The following SLC2A13 variants were observed in gnomAD, a reference collection of about 807,000 sequenced individuals.
SLC2A13 encodes solute carrier family 2 member 13.
In SLC2A13, 32 loss-of-function variants were observed where a neutral mutation model predicts 64.4. That is an observed-to-expected ratio of 0.50 (90% confidence interval 0.37 to 0.67). The LOEUF (loss-of-function observed/expected upper bound fraction) is 0.67. SLC2A13 is among the 30% of genes least tolerant of loss of function. The pLI is 0.00. For missense variants in SLC2A13, 743 were observed against 829.2 expected, an observed-to-expected ratio of 0.90 and a Z score of 1.28; for synonymous variants, 338 against 327.1, an observed-to-expected ratio of 1.03 and a Z score of -0.36.
At chr12:40,017,973 AT>A (rs1301263053) in intron 3 of SLC2A13, among the ~76,000 whole-genome samples, 1 of 88,096 alleles carries the variant, frequency 1.1e-5, no homozygotes, top group African/African-American at 4.7e-5. Flanking sequence ...CAATGCACAT[AT>A]TTAAAAAAAA....
intron 4 of SLC2A13, among the ~76,000 whole-genome samples, chr12:39,943,552 T>A (rs1435145238): frequency 2.0e-5 from 3 of 152,190 alleles, no homozygotes; most frequent in African/African-American, 7.2e-5. Context: ...TTGTTTACAC[T>A]GTGAGGGAAA....
intron 3 of SLC2A13, among the ~76,000 whole-genome samples, chr12:40,004,459 C>T (rs935536557): frequency 1.3e-5 from 2 of 152,168 alleles, no homozygotes; most frequent in Admixed American, 6.5e-5. Context: ...GCTGGTGTTA[C>T]AGGCATGAGC....
chr12:39,888,195 A>C (rs1171267062), intron 4 of SLC2A13, among the ~76,000 whole-genome samples: 1 of 152,102 alleles, frequency 6.6e-6, no homozygotes, highest in South Asian at 2.1e-4. Context: ...ATGCTTATGG[A>C]TATAACCATT....
intron 6 of SLC2A13, among the ~76,000 whole-genome samples, chr12:39,843,936 TC>T (rs1054834746): frequency 5.9e-5 from 9 of 151,886 alleles, no homozygotes; most frequent in African/African-American, 1.9e-4. Context: ...TATGCTTTTT[TC>T]CCCCCAAAGC....
chr12:40,013,384 T>A (rs1032715280), intron 3 of SLC2A13, among the ~76,000 whole-genome samples: 1 of 152,218 alleles, frequency 6.6e-6, no homozygotes, highest in Non-Finnish European at 1.5e-5. Flanking sequence ...CAGCCTTACA[T>A]ATTAAATCAT....
chr12:39,851,548 C>T (rs573225607), intron 6 of SLC2A13, among the ~76,000 whole-genome samples: 1 of 152,084 alleles, frequency 6.6e-6, no homozygotes, highest in Non-Finnish European at 1.5e-5. Context: ...AATGTTTGGT[C>T]TAGGCTAAAA....
At chr12:39,900,133 T>G (rs1945045327) in intron 4 of SLC2A13, among the ~76,000 whole-genome samples, 1 of 143,686 alleles carries the variant, frequency 7.0e-6, no homozygotes. Flanking sequence ...TTTGACCAAA[T>G]TCAACAACCC....
intron 1 of SLC2A13, among the ~76,000 whole-genome samples, chr12:40,070,205 G>C (rs1401028646): frequency 6.6e-6 from 1 of 150,664 alleles, no homozygotes; most frequent in Non-Finnish European, 1.5e-5. Context: ...GGCAGAGACA[G>C]GGTAAAGAGT....
chr12:39,812,819 T>C (rs909501496), intron 7 of SLC2A13, among the ~76,000 whole-genome samples: 3 of 148,782 alleles, frequency 2.0e-5, no homozygotes. Context: ...GACAAACATT[T>C]AGTTTGTAGT....
intron 6 of SLC2A13, among the ~76,000 whole-genome samples, chr12:39,856,761 G>A (rs1345261409): frequency 3.3e-5 from 5 of 152,184 alleles, no homozygotes; most frequent in African/African-American, 7.2e-5. Flanking sequence ...GTTATGTAAC[G>A]TGCTTTTACA....
At position 40,105,660 on chromosome 12, in the gene SLC2A13, C is replaced by T. The variant is rs557242708; in HGVS notation, c.149G>A (p.Ser50Asn). The T allele has an allele frequency of 2.7e-6, 4 of 1,493,884 alleles. No individual in the cohort carries two copies. Among genetic ancestry groups the T allele is most frequent in the South Asian group, 1.3e-5 (1 of 77,522 alleles). 92.5% of individuals were successfully genotyped at this position (1,493,884 alleles called of 1,614,324 possible). A position where few individuals can be genotyped will look rare whatever the true frequency, so the allele number is the denominator to read the frequency against. Reference sequence around the variant, plus strand: ...GCCGCCCGCGCCCGCGCTCTGCAGGCTGGTGCTCGATTCGGCGGCAGCCAG... The same window carrying T: ...GCCGCCCGCGCCCGCGCTCTGCAGGTTGGTGCTCGATTCGGCGGCAGCCAG... ...SLLAAAESST[S>N]LQSAGAGGGG... The change falls in exon 1 of 10, where the codon AGC becomes AAC. Residue 50 changes from serine (S) to asparagine (N), a missense_variant. Ser to Asn is a conservative substitution (Grantham distance 46). Transcript: ENST00000280871. The surrounding 1 kb of genome is among the most constrained non-coding windows in gnomAD (Gnocchi z 4.2).
chr12:40,072,033 T>A (rs986180615), intron 1 of SLC2A13, among the ~76,000 whole-genome samples: 1 of 152,080 alleles, frequency 6.6e-6, no homozygotes, highest in Non-Finnish European at 1.5e-5. Context: ...ACTTTCTCCT[T>A]CTGTTACTAA....
intron 7 of SLC2A13, among the ~76,000 whole-genome samples, chr12:39,776,438 C>T (rs927902416): frequency 6.6e-6 from 1 of 152,294 alleles, no homozygotes; most frequent in African/African-American, 2.4e-5. Context: ...CCCTAGGAAG[C>T]GGCTTGGCAA....
chr12:39,790,726 T>A (rs954551047), intron 7 of SLC2A13, among the ~76,000 whole-genome samples: 2 of 88,736 alleles, frequency 2.3e-5, no homozygotes, highest in Non-Finnish European at 4.4e-5. Flanking sequence ...GTCATTTGGG[T>A]ATATACCCAG....
chr12:39,833,818 T>A (rs1054477471), intron 6 of SLC2A13, among the ~76,000 whole-genome samples: 1 of 150,978 alleles, frequency 6.6e-6, no homozygotes, highest in Non-Finnish European at 1.5e-5. Context: ...GCTCAGAACA[T>A]GCTGCTCCAT....
intron 6 of SLC2A13, among the ~76,000 whole-genome samples, chr12:39,837,540 A>C (rs1261291610): frequency 1.4e-5 from 2 of 143,976 alleles, no homozygotes; most frequent in East Asian, 4.1e-4. Flanking sequence ...AACTACCATC[A>C]GAGTGAACAG....
intron 7 of SLC2A13, among the ~76,000 whole-genome samples, chr12:39,815,391 A>G (rs1279659840): frequency 6.6e-6 from 1 of 152,230 alleles, no homozygotes; most frequent in Non-Finnish European, 1.5e-5. Flanking sequence ...TCCACATGAT[A>G]TAAAATCATT....
Position 40,019,861 on chromosome 12 carries a change from T to C in SLC2A13, c.925+8440A>G, listed in dbSNP as rs1482371024. The stretch of plus-strand genomic sequence containing the variant: ...CACTTACACAGCAACTGATTATAGT[T>C]CCGGCTTCATAAACCTAATAATTTT... On this transcript the variant is annotated intron_variant, in intron 3 of 9. Coordinates refer to ENST00000280871, the MANE Select transcript of SLC2A13 (RefSeq NM_052885.4). Among the ~76,000 whole-genome samples, 4 of 152,300 alleles carry C rather than the reference T, an allele frequency of 2.6e-5. No individual in the cohort carries two copies. In the East Asian group the frequency reaches 5.8e-4, roughly 22 times the overall value.
chr12:39,813,366 T>A (rs1942247244), intron 7 of SLC2A13, among the ~76,000 whole-genome samples: 2 of 152,234 alleles, frequency 1.3e-5, no homozygotes, highest in East Asian at 1.9e-4. Context: ...ATTAACCGGA[T>A]GTACCCATAA....
Sources: gnomAD v4.1 joint callset for allele counts (sites outside exome capture counted in the v4.1 genomes callset) on GRCh38, gnomAD v4.1.1 for gene constraint, Gnocchi (gnomAD v3.1) non-coding constraint, MANE v1.5 for transcripts, NCBI Gene and HGNC (gene_info 2026-07-23, HGNC 2026-07-21) for gene names.